POU2F1: variants seen among roughly 807,000 people sequenced by gnomAD.
POU2F1 encodes the protein POU class 2 homeobox 1.
Under a neutral mutation model 84.9 loss-of-function variants are expected in POU2F1, and 16 were observed. That is an observed-to-expected ratio of 0.19 (90% CI 0.13 to 0.29). The LOEUF is 0.29. POU2F1 is among the 10% of genes least tolerant of loss of function. The pLI is 1.00. For missense variants in POU2F1, 738 were observed against 942.6 expected (o/e 0.78, Z 2.84); for synonymous variants, 368 against 368.3 (o/e 1.00, Z 0.01).
chr1:167,308,023 G>T (rs557490317), intron 1 of POU2F1, among the ~76,000 whole-genome samples: 1 of 151,096 alleles, frequency 6.6e-6, no homozygotes, highest in South Asian at 2.1e-4. Flanking sequence ...GAGTGATGCT[G>T]TATTCTTATT....
At chr1:167,283,095 T>C (rs1239302147) in intron 1 of POU2F1, among the ~76,000 whole-genome samples, 7 of 152,350 alleles carry the variant, frequency 4.6e-5, no homozygotes, top group African/African-American at 1.2e-4. Context: ...TTATTTGATA[T>C]TGAACTTCTG....
chr1:167,401,716 C>T (rs989097612), intron 13 of POU2F1, among the ~76,000 whole-genome samples, 160 bp downstream of exon 13: 2 of 152,214 alleles, frequency 1.3e-5, no homozygotes, highest in Admixed American at 6.5e-5. Context: ...CCTTAAAAGC[C>T]TTCAATAGCC....
chr1:167,270,214 A>G (rs1571203121), intron 1 of POU2F1, among the ~76,000 whole-genome samples: 1 of 152,190 alleles, frequency 6.6e-6, no homozygotes, highest in Non-Finnish European at 1.5e-5. Flanking sequence ...CTTCAAATAA[A>G]TATACATAGC....
chr1:167,284,933 G>A (rs1257543475), intron 1 of POU2F1, among the ~76,000 whole-genome samples: 1 of 152,208 alleles, frequency 6.6e-6, no homozygotes, highest in Non-Finnish European at 1.5e-5. Flanking sequence ...AAGTATAACA[G>A]AATAACTTGT....
intron 1 of POU2F1, among the ~76,000 whole-genome samples, chr1:167,248,419 A>G (rs1455243501): frequency 6.6e-6 from 1 of 152,222 alleles, no homozygotes; most frequent in African/African-American, 2.4e-5. Context: ...TTAAATAGAA[A>G]AGGTAGCTCC....
intron 8 of POU2F1, among the ~76,000 whole-genome samples, chr1:167,385,701 A>T (rs946856220): frequency 1.3e-5 from 2 of 152,230 alleles, no homozygotes; most frequent in African/African-American, 4.8e-5. Flanking sequence ...TTGGAAAAAA[A>T]TCTTTGTGTC....
At chr1:167,405,580 C>T (rs1232451662) in intron 13 of POU2F1, among the ~76,000 whole-genome samples, 9 of 151,536 alleles carry the variant, frequency 5.9e-5, no homozygotes, top group Non-Finnish European at 1.2e-4. Context: ...CCTAGCTGCT[C>T]GGGAGGCTGA....
chr1:167,354,387 G>A (rs978014461), intron 2 of POU2F1, among the ~76,000 whole-genome samples: 34 of 152,206 alleles, frequency 2.2e-4, no homozygotes, highest in Non-Finnish European at 4.7e-4. Context: ...GGCCTCCCGG[G>A]TTCAAGCAAT....
At chr1:167,231,823 A>G (rs1649081254) in intron 1 of POU2F1, among the ~76,000 whole-genome samples, 1 of 152,232 alleles carries the variant, frequency 6.6e-6, no homozygotes, top group South Asian at 2.1e-4. Context: ...TCATGTTTAC[A>G]ATGAGATGTG....
At chr1:167,340,424 TTTTTTTC>T (rs1467380592) in intron 2 of POU2F1, among the ~76,000 whole-genome samples, 3 of 140,708 alleles carry the variant, frequency 2.1e-5, no homozygotes, top group African/African-American at 8.9e-5. Context: ...TTCTTTTTTC[TTTTTTTC>T]TTTTTTTTTT....
At chr1:167,259,840 A>G (rs949183446) in intron 1 of POU2F1, among the ~76,000 whole-genome samples, 3 of 151,978 alleles carry the variant, frequency 2.0e-5, no homozygotes, top group Non-Finnish European at 2.9e-5. Flanking sequence ...TTTATTGTTA[A>G]TGATATTAAG....
intron 2 of POU2F1, among the ~76,000 whole-genome samples, chr1:167,361,849 A>G (rs1273609444): frequency 6.6e-6 from 1 of 151,892 alleles, no homozygotes; most frequent in Non-Finnish European, 1.5e-5. Context: ...TTAATTACTC[A>G]TTATTGATCT....
intron 7 of POU2F1, among the ~76,000 whole-genome samples, chr1:167,376,375 A>G (rs1043431915): frequency 2.6e-5 from 4 of 152,358 alleles, no homozygotes; most frequent in South Asian, 2.1e-4. Flanking sequence ...CATCTGCTTA[A>G]TCACTAAGGA....
chr1:167,342,392 C>T (rs1657918562), intron 2 of POU2F1, among the ~76,000 whole-genome samples: 1 of 152,058 alleles, frequency 6.6e-6, no homozygotes, highest in Non-Finnish European at 1.5e-5. Context: ...TCCAAAGTTC[C>T]TAGTAACCAG....
chr1:167,225,816 T>C (rs1648587196), intron 1 of POU2F1, among the ~76,000 whole-genome samples: 1 of 152,236 alleles, frequency 6.6e-6, no homozygotes, highest in Admixed American at 6.5e-5. Flanking sequence ...CTTGTTGTTA[T>C]CGGTTATTTT....
chr1:167,258,920 ATTC>A (rs1358122972), intron 1 of POU2F1, among the ~76,000 whole-genome samples: 1 of 152,190 alleles, frequency 6.6e-6, no homozygotes, highest in African/African-American at 2.4e-5. Context: ...TGCAAAAACT[ATTC>A]TTGGCTTGTG....
In POU2F1 at chr1:167,420,744, C is replaced by G. The variant is rs1650598549; in HGVS notation, c.*4934C>G. ...TATCACTGAGTGTAGGGTGTGGTAGCAAGGAGGAGGCAGGGGATTCACGCT... is the reference window on the plus strand; with the variant it reads ...TATCACTGAGTGTAGGGTGTGGTAGGAAGGAGGAGGCAGGGGATTCACGCT... On this transcript the variant is annotated 3_prime_UTR_variant, in exon 16 of 16. Coordinates refer to ENST00000367866, the MANE Select transcript of POU2F1 (RefSeq NM_002697.4). 1 of 152,080 alleles carries G rather than the reference C, an allele frequency of 6.6e-6. No homozygotes were observed. Among genetic ancestry groups the G allele is most frequent in the African/African-American group, 2.4e-5 (1 of 41,396 alleles). 9.4% of individuals were successfully genotyped at this position (152,080 alleles called of 1,614,324 possible).
At chr1:167,363,315 T>A (rs181118516) in intron 2 of POU2F1, among the ~76,000 whole-genome samples, 15 of 152,340 alleles carry the variant, frequency 9.8e-5, no homozygotes, top group Admixed American at 9.8e-4. Flanking sequence ...AATCTCATAT[T>A]CTTTTAGTCT....
chr1:167,332,119 T>TC (rs893990674), intron 1 of POU2F1, among the ~76,000 whole-genome samples: 2 of 152,066 alleles, frequency 1.3e-5, no homozygotes, highest in Non-Finnish European at 2.9e-5. Flanking sequence ...GTGAGGTGCT[T>TC]CCCCCCTTTC....
Sources: gnomAD v4.1 joint callset for allele counts (sites outside exome capture counted in the v4.1 genomes callset) on GRCh38, gnomAD v4.1.1 for gene constraint, MANE v1.5 for transcripts, NCBI Gene and HGNC (gene_info 2026-07-23, HGNC 2026-07-21) for gene names.